The following MEI1 variants were observed in gnomAD, a reference collection of about 807,000 sequenced individuals.
MEI1 encodes the protein meiotic double-stranded break formation protein 1, also known as meiosis inhibitor protein 1.
MEI1 carries 103 observed loss-of-function variants against 146.2 expected under a neutral mutation model. That is an observed-to-expected ratio of 0.70 (90% CI 0.60 to 0.83). The LOEUF is 0.83. MEI1 is among the 40% of genes least tolerant of loss of function. The pLI, the probability that MEI1 is intolerant of heterozygous loss-of-function variation, is 0.00. For missense variants in MEI1, 1,529 were observed against 1,533.0 expected (o/e 1.00, Z 0.04); for synonymous variants, 652 against 628.2 (o/e 1.04, Z -0.57).
intron 7 of MEI1, among the ~76,000 whole-genome samples, chr22:41,724,710 G>T (rs552026541): frequency 4.6e-5 from 7 of 152,066 alleles, no homozygotes; most frequent in Non-Finnish European, 8.8e-5. Context: ...AGGATTGCTC[G>T]AACCCAGGAG....
intron 3 of MEI1, among the ~76,000 whole-genome samples, chr22:41,711,909 TATAAA>T (rs1480789392): frequency 6.6e-6 from 1 of 151,684 alleles, no homozygotes; most frequent in Non-Finnish European, 1.5e-5. Flanking sequence ...GTAGAGATAA[TATAAA>T]ATAGCAGTTT....
intron 21 of MEI1, 135 bp from the exon 22 acceptor site, chr22:41,778,573 A>G: frequency 1.6e-6 from 1 of 637,342 alleles, no homozygotes; most frequent in Non-Finnish European, 2.8e-6. Flanking sequence ...AGTAAATCCC[A>G]ACAAAACACC....
In MEI1 at chr22:41,776,164, C is replaced by G. The variant is rs752736588; in HGVS notation, c.2607C>G (p.Phe869Leu). The change falls in exon 21 of 31, where the codon TTC (phenylalanine) becomes TTG (leucine). Residue 869 changes from phenylalanine to leucine, a missense_variant. Physicochemically the swap from Phe to Leu is conservative, Grantham distance 22. Coordinates refer to ENST00000401548, the MANE Select transcript of MEI1 (RefSeq NM_152513.4). ...AHKVLISLRT[F>L]LRRNEDIQVG... ...AGGTACTGATTAGCCTGAGGACCTT[C>G]CTGAGGAGGAATGAGGATATCCAAG... The G allele has an allele frequency of 9.3e-6, 15 of 1,614,016 alleles. No homozygotes were observed. The highest frequency in any genetic ancestry group is 6.6e-5 in the South Asian group (6 of 91,086).
At chr22:41,736,860 A>G (rs934061074) in intron 11 of MEI1, among the ~76,000 whole-genome samples, 1 of 152,198 alleles carries the variant, frequency 6.6e-6, no homozygotes, top group Non-Finnish European at 1.5e-5. Flanking sequence ...TCAGCCCACT[A>G]TAGTGTTTTC....
chr22:41,700,904 T>A (rs1309267394), intron 1 of MEI1, among the ~76,000 whole-genome samples: 1 of 151,660 alleles, frequency 6.6e-6, no homozygotes, highest in African/African-American at 2.4e-5. Flanking sequence ...CCACCGTGCC[T>A]GGCTGCGTTC....
chr22:41,782,130 CT>C (rs902049610), intron 24 of MEI1, among the ~76,000 whole-genome samples: 7 of 152,162 alleles, frequency 4.6e-5, no homozygotes, highest in African/African-American at 1.7e-4. Context: ...GTGTCCTACC[CT>C]TAGGGAACTT....
At chr22:41,792,675 T>A (rs73885821) in intron 26 of MEI1, among the ~76,000 whole-genome samples, 259 of 152,282 alleles carry the variant, frequency 1.7e-3, no homozygotes, top group African/African-American at 6.1e-3. Context: ...TTTAACTTTA[T>A]AAGAAGCCAT....
At chr22:41,783,237 CAG>C (rs1387057407) in intron 24 of MEI1, among the ~76,000 whole-genome samples, 5 of 152,026 alleles carry the variant, frequency 3.3e-5, no homozygotes, top group African/African-American at 1.2e-4. Context: ...GCAGGTAGTA[CAG>C]AGAGTTCCCA....
intron 7 of MEI1, among the ~76,000 whole-genome samples, chr22:41,726,834 C>T (rs993137254): frequency 9.3e-5 from 14 of 150,866 alleles, no homozygotes; most frequent in Non-Finnish European, 1.6e-4. Flanking sequence ...AGTGCAGTGG[C>T]GATATCTTGG....
rs368049574 is a variant in MEI1 at position 41,730,645 on chromosome 22, G to A, written c.1096+8G>A. The A allele has an allele frequency of 1.9e-6, 3 of 1,592,386 alleles. No homozygotes were observed. The highest frequency in any genetic ancestry group is 1.3e-5 in the African/African-American group (1 of 74,474). On this transcript the variant is annotated splice_region_variant and intron_variant, in intron 9 of 30. Coordinates refer to ENST00000401548, the MANE Select transcript of MEI1 (RefSeq NM_152513.4). ...AGTGCCACACGGTGTATGGTTGGTA[G>A]TAAGGGTCCTGTACTAGCTTTGGGT...
intron 20 of MEI1, 100 bp from the exon 21 acceptor site, chr22:41,776,002 A>G (rs2148098903): frequency 8.1e-7 from 1 of 1,227,650 alleles, no homozygotes; most frequent in East Asian, 2.4e-5. Context: ...TTTTTGTGAC[A>G]TCATAATTAT....
chr22:41,738,744 CT>C (rs2072600088), intron 11 of MEI1, among the ~76,000 whole-genome samples: 1 of 150,984 alleles, frequency 6.6e-6, no homozygotes, highest in Non-Finnish European at 1.5e-5. Context: ...TGCACTACAG[CT>C]TGGTGACAGA....
rs767749523 is a variant in MEI1 at position 41,723,975 on chromosome 22, T to G, written c.766T>G (p.Phe256Val). The change falls in exon 7 of 31, where the codon TTT (phenylalanine) becomes GTT (valine). Residue 256 changes from phenylalanine (F) to valine (V), a missense_variant. Phe to Val is a conservative substitution (Grantham distance 50, BLOSUM62 -1). Around this residue, in one of 3 missense-constraint regions of MEI1, gnomAD observed 1,212 missense variants for 1,178.9 expected, o/e 1.03. Coordinates refer to ENST00000401548, the MANE Select transcript of MEI1 (RefSeq NM_152513.4). ...GAGGCAGCTGTTGAAGTATGATCTCTTTGTGTCCATGATCATGAACCAGGA... is the reference window on the plus strand; with the variant it reads ...GAGGCAGCTGTTGAAGTATGATCTCGTTGTGTCCATGATCATGAACCAGGA... ...LLRQLLKYDL[F>V]VSMIMNQDGL... The G allele has an allele frequency of 6.2e-7, 1 of 1,610,022 alleles. No individual in the cohort carries two copies. Among genetic ancestry groups the G allele is most frequent in the Admixed American group, 1.7e-5 (1 of 59,260 alleles).
At chr22:41,767,380 G>A (rs188668737) in intron 19 of MEI1, among the ~76,000 whole-genome samples, 1 of 152,248 alleles carries the variant, frequency 6.6e-6, no homozygotes, top group African/African-American at 2.4e-5. Flanking sequence ...CTGGGCCTTG[G>A]GCAGAGTTAT....
At chr22:41,741,868 C>A (rs562167957) in intron 11 of MEI1, among the ~76,000 whole-genome samples, 1 of 145,934 alleles carries the variant, frequency 6.9e-6, no homozygotes, top group African/African-American at 2.6e-5. Flanking sequence ...CACTTAAACC[C>A]GGGAGGCAGA....
At chr22:41,714,261 G>C (rs940535058) in intron 4 of MEI1, among the ~76,000 whole-genome samples, 186 bp downstream of exon 4, 16 of 152,136 alleles carry the variant, frequency 1.1e-4, no homozygotes, top group African/African-American at 3.9e-4. Flanking sequence ...GTTCTTTACA[G>C]CTTTCTTCTT....
chr22:41,765,984 G>A (rs1218316087), intron 19 of MEI1, among the ~76,000 whole-genome samples: 8 of 148,268 alleles, frequency 5.4e-5, no homozygotes, highest in Non-Finnish European at 8.9e-5. Flanking sequence ...TCCGCCTCCC[G>A]GGTTCATACC....
At chr22:41,703,068 C>T (rs1358022511) in intron 1 of MEI1, among the ~76,000 whole-genome samples, 1 of 152,054 alleles carries the variant, frequency 6.6e-6, no homozygotes, top group East Asian at 1.9e-4. Context: ...AGCTGGTGGA[C>T]AAAAATGATT....
intron 22 of MEI1, among the ~76,000 whole-genome samples, chr22:41,779,538 A>G (rs1435109156): frequency 6.6e-6 from 1 of 152,190 alleles, no homozygotes; most frequent in Non-Finnish European, 1.5e-5. Flanking sequence ...ACTAGCAATC[A>G]TCTAGTCTCT....
Sources: allele counts gnomAD v4.1 joint callset (sites outside exome capture counted in the v4.1 genomes callset), GRCh38; gene constraint gnomAD v4.1.1; regional missense constraint gnomAD v4.1.1; transcripts MANE v1.5; gene names NCBI Gene and HGNC (gene_info 2026-07-23, HGNC 2026-07-21).